The following ANKRD36C variants were observed in gnomAD, a reference collection of about 807,000 sequenced individuals.
ANKRD36C encodes ankyrin repeat domain-containing protein 36C.
Under a neutral mutation model 276.4 loss-of-function variants are expected in ANKRD36C, and 61 were observed. That is an observed-to-expected ratio of 0.22 (90% CI 0.18 to 0.27). The LOEUF is 0.27. Ranked by LOEUF, ANKRD36C falls within the 10% of genes least tolerant of loss-of-function variation. The pLI is 1.00. For synonymous variants in ANKRD36C, 483 were observed against 680.1 expected, an observed-to-expected ratio of 0.71 and a Z score of 4.51; for missense variants, 1,447 against 2,032.3, an observed-to-expected ratio of 0.71 and a Z score of 5.54.
chr2:95,981,626 A>T (rs1320848998), intron 4 of ANKRD36C, among the ~76,000 whole-genome samples: 2 of 150,640 alleles, frequency 1.3e-5, no homozygotes, highest in African/African-American at 4.9e-5. Context: ...TATATATATA[A>T]AATGTTACTT....
At position 95,919,491 on chromosome 2, in the gene ANKRD36C, C is replaced by A. The variant is rs560306301; in HGVS notation, c.2246-1449G>T. Among the ~76,000 whole-genome samples the A allele has an allele frequency of 1.2e-3, 166 of 133,092 alleles. 20 individuals carry two copies. Among genetic ancestry groups the A allele is most frequent in the African/African-American group, 3.8e-3 (149 of 38,918 alleles). 87.3% of individuals were successfully genotyped at this position (133,092 alleles called of 152,430 possible). Reference sequence around the variant, plus strand: ...CCCCTTATGTCTTGAACTGCTCTCCCTATTTCTTCTTCCCAATTTCAATGT... The same window carrying A: ...CCCCTTATGTCTTGAACTGCTCTCCATATTTCTTCTTCCCAATTTCAATGT... On this transcript the variant is annotated intron_variant, in intron 34 of 66. Coordinates refer to ENST00000456556, the Ensembl canonical transcript of ANKRD36C.
At chr2:95,895,690 T>C in intron 44 of ANKRD36C, 100 bp from the exon 61 acceptor site, 1 of 1,539,950 alleles carries the variant, frequency 6.5e-7, no homozygotes, top group Non-Finnish European at 8.8e-7. Flanking sequence ...CTCCTGCCTG[T>C]ATTAGTGGAG....
At chr2:95,880,232 T>C (rs576011739) in intron 58 of ANKRD36C, among the ~76,000 whole-genome samples, 195 bp downstream of exon 78, 7 of 152,218 alleles carry the variant, frequency 4.6e-5, no homozygotes, top group Non-Finnish European at 7.3e-5. Context: ...AAAAACCTTA[T>C]GTTTTAAAAA....
At chr2:95,917,763 A>C (rs1033356836) in intron 36 of ANKRD36C, 92 bp downstream of exon 38, 18 of 1,458,700 alleles carry the variant, frequency 1.2e-5, no homozygotes, top group Admixed American at 9.4e-5. Flanking sequence ...TTTGGCGAGC[A>C]CCCCCAACCG....
chr2:95,922,598 A>G (rs1159907645), intron 32 of ANKRD36C, among the ~76,000 whole-genome samples: 1 of 151,634 alleles, frequency 6.6e-6, no homozygotes, highest in Non-Finnish European at 1.5e-5. Flanking sequence ...AATCACTCCA[A>G]TATTCATTGA....
intron 44 of ANKRD36C, chr2:95,895,465 T>A (rs1299052004): frequency 7.7e-7 from 1 of 1,295,512 alleles, no homozygotes; most frequent in Admixed American, 2.2e-5. Flanking sequence ...TTCTCATCAC[T>A]TGTAGCCTGA....
intron 1 of ANKRD36C, among the ~76,000 whole-genome samples, chr2:95,990,500 A>T (rs1679116624): frequency 6.6e-6 from 1 of 152,190 alleles, no homozygotes; most frequent in African/African-American, 2.4e-5. Context: ...GCACATTTTC[A>T]TATCTAGAAA....
chr2:95,957,341 C>T (rs572921078), intron 12 of ANKRD36C, among the ~76,000 whole-genome samples: 4 of 152,422 alleles, frequency 2.6e-5, no homozygotes, highest in South Asian at 2.1e-4. Flanking sequence ...TGCTCTTTGA[C>T]TTGCCTGACA....
At chr2:95,884,975 G>A (rs1345554522) in intron 52 of ANKRD36C, among the ~76,000 whole-genome samples, 30 of 151,982 alleles carry the variant, frequency 2.0e-4, no homozygotes, top group Admixed American at 3.9e-4. Context: ...ATTTGCCTAA[G>A]TTTCTTGTAT....
At chr2:95,985,675 C>G (rs1388106640) in intron 3 of ANKRD36C, among the ~76,000 whole-genome samples, 1 of 152,216 alleles carries the variant, frequency 6.6e-6, no homozygotes, top group Non-Finnish European at 1.5e-5. Flanking sequence ...CGAACCAGCA[C>G]AGTTGATAAT....
At chr2:95,915,416 A>T (rs1311519881) in intron 38 of ANKRD36C, among the ~76,000 whole-genome samples, 2 of 151,550 alleles carry the variant, frequency 1.3e-5, no homozygotes, top group Non-Finnish European at 3.0e-5. Context: ...AATATTGTTT[A>T]TGGAAATGTT....
chr2:95,903,139 A>G (rs1234440556), intron 42 of ANKRD36C, 58 bp from the exon 53 acceptor site: 1 of 1,536,480 alleles, frequency 6.5e-7, no homozygotes. Context: ...AATTATCCAC[A>G]TATTCATGCA....
chr2:95,947,645 G>T (rs1364137102), intron 17 of ANKRD36C, among the ~76,000 whole-genome samples: 1 of 152,054 alleles, frequency 6.6e-6, no homozygotes, highest in African/African-American at 2.4e-5. Flanking sequence ...ATTAAAGTCT[G>T]ATCATAGAAA....
intron 59 of ANKRD36C, among the ~76,000 whole-genome samples, chr2:95,868,630 C>G (rs1675732945): frequency 6.7e-6 from 1 of 148,722 alleles, no homozygotes; most frequent in East Asian, 2.0e-4. Context: ...ATTCTGGGGA[C>G]CCAGAGTATG....
chr2:95,954,398 CT>C (rs1419890566), intron 13 of ANKRD36C, among the ~76,000 whole-genome samples: 2 of 152,102 alleles, frequency 1.3e-5, no homozygotes, highest in Non-Finnish European at 2.9e-5. Flanking sequence ...TGGAGTCAAC[CT>C]GATAACCTAA....
chr2:95,975,792 G>T (rs544680287), intron 6 of ANKRD36C, among the ~76,000 whole-genome samples: 3 of 152,148 alleles, frequency 2.0e-5, no homozygotes, highest in East Asian at 1.9e-4. Context: ...CTAATTAAAC[G>T]AAAGAGCTTC....
chr2:95,892,728 A>G (rs535322740), intron 44 of ANKRD36C, among the ~76,000 whole-genome samples: 19 of 151,364 alleles, frequency 1.3e-4, no homozygotes, highest in African/African-American at 4.6e-4. Flanking sequence ...TGGGAGTATC[A>G]CGTTGTTCTC....
chr2:95,962,500 G>A lies in ANKRD36C; in HGVS notation c.828+19C>T. On this transcript the variant is annotated intron_variant, in intron 7 of 66. Transcript: ENST00000456556. ...ACTATATAGTTAATAGTTCAAAACA[G>A]AAATGAATGTGTAATTACCTTCAAG... 6.3e-7 allele frequency: 1 copy of A among 1,599,906 alleles called. No homozygotes were observed. Among genetic ancestry groups the A allele is most frequent in the Non-Finnish European group, 8.5e-7 (1 of 1,177,572 alleles).
chr2:95,858,965 T>A (rs1224710385), intron 61 of ANKRD36C, among the ~76,000 whole-genome samples: 3 of 152,066 alleles, frequency 2.0e-5, no homozygotes, highest in South Asian at 2.1e-4. Context: ...GAGAGAGAGA[T>A]GTTGAATAAG....
Sources: gnomAD v4.1 joint callset for allele counts (sites outside exome capture counted in the v4.1 genomes callset) on GRCh38, gnomAD v4.1.1 for gene constraint, MANE v1.5 for transcripts, NCBI Gene and HGNC (gene_info 2026-07-23, HGNC 2026-07-21) for gene names.